The following CTPS2 variants were observed in gnomAD, a reference collection of about 807,000 sequenced individuals.
CTPS2 encodes the protein CTP synthase 2.
CTPS2 carries 19 observed loss-of-function variants against 46.8 expected under a neutral mutation model. The observed-to-expected ratio is 0.41, with a 90% CI of 0.28 to 0.60. The LOEUF (loss-of-function observed/expected upper bound fraction) is 0.60, where lower values mean the gene tolerates loss of function less well. CTPS2 is among the 20% of genes least tolerant of loss of function. The pLI, the probability that CTPS2 is intolerant of heterozygous loss-of-function variation, is 0.35. For missense variants in CTPS2, 286 were observed against 447.6 expected (o/e 0.64, Z 3.26); for synonymous variants, 151 against 165.2 (o/e 0.91, Z 0.66).
chrX:16,698,140 T>C (rs1924264617), intron 4 of CTPS2, 96 bp downstream of exon 4: 1 of 640,233 alleles, frequency 1.6e-6, no homozygotes, highest in Middle Eastern at 3.2e-4. Context: ...TGTCCAGCAC[T>C]CAGGAGGGCG....
intron 11 of CTPS2, among the ~76,000 whole-genome samples, chrX:16,668,682 A>G (rs1282265171): frequency 2.1e-5 from 2 of 96,800 alleles, no homozygotes; most frequent in Non-Finnish European, 4.2e-5. Context: ...GAAGGAAGAA[A>G]GAAGGAAGGA....
At chrX:16,680,886 T>C (rs940593711) in intron 9 of CTPS2, among the ~76,000 whole-genome samples, 2 of 109,956 alleles carry the variant, frequency 1.8e-5, no homozygotes, top group African/African-American at 6.6e-5. Context: ...ACCCCGTCTC[T>C]ATAAAAATTA....
chrX:16,703,309 G>A (rs1208621654), intron 1 of CTPS2, among the ~76,000 whole-genome samples: 4 of 108,587 alleles, frequency 3.7e-5, no homozygotes, highest in Non-Finnish European at 7.6e-5. Flanking sequence ...TAACAGGCAT[G>A]AGCCACCGCA....
At chrX:16,704,434 C>T (rs1363942763) in intron 1 of CTPS2, among the ~76,000 whole-genome samples, 1 of 112,021 alleles carries the variant, frequency 8.9e-6, no homozygotes, top group Non-Finnish European at 1.9e-5. Context: ...ATGACTTCAA[C>T]TATATGACAT....
At chrX:16,688,172 C>T (rs1050872132) in intron 8 of CTPS2, among the ~76,000 whole-genome samples, 3 of 111,492 alleles carry the variant, frequency 2.7e-5, no homozygotes, top group African/African-American at 9.8e-5. Flanking sequence ...CCTAGACAGG[C>T]GAATCGCCTG....
intron 13 of CTPS2, chrX:16,654,470 T>C: frequency 1.7e-6 from 2 of 1,199,823 alleles, no homozygotes; most frequent in Non-Finnish European, 2.3e-6. Flanking sequence ...AAGTTAGTTT[T>C]GAAGAATTCC....
intron 14 of CTPS2, among the ~76,000 whole-genome samples, chrX:16,632,911 G>A (rs1931553662): frequency 1.8e-5 from 2 of 110,752 alleles, no homozygotes; most frequent in South Asian, 3.8e-4. Flanking sequence ...TAGATCAAAC[G>A]GCTTCTGAAA....
At chrX:16,647,769 A>G (rs1202452451) in intron 13 of CTPS2, among the ~76,000 whole-genome samples, 3 of 111,463 alleles carry the variant, frequency 2.7e-5, no homozygotes, top group Non-Finnish European at 3.8e-5. Context: ...ACATATAGTT[A>G]TTAAAATCAT....
At chrX:16,654,383 C>T in intron 13 of CTPS2, 1 of 1,043,477 alleles carries the variant, frequency 9.6e-7, no homozygotes. Context: ...TCCCTTCTCC[C>T]ATCCTTTTTT....
chrX:16,693,159 T>C lies in CTPS2; in HGVS notation c.621A>G (p.Leu207=). 2 of 1,207,142 alleles carry C rather than the reference T, an allele frequency of 1.7e-6. No homozygotes were observed. Among genetic ancestry groups the C allele is most frequent in the South Asian group, 3.5e-5 (2 of 56,845 alleles). Residue 207 remains leucine, a synonymous_variant, in exon 6 of 19, where the codon TTA becomes TTG. Transcript: ENST00000359276. ...TQNSVRALRG[L]GLSPDLIVCR... ...AACTCACCAGATCTGGAGACAGGCC[T>C]AAACCCCTCAGTGCGCGGACGCTGT...
intron 14 of CTPS2, chrX:16,638,574 T>C (rs188521289): frequency 2.0e-5 from 3 of 153,704 alleles, no homozygotes; most frequent in Admixed American, 1.6e-4. Context: ...TGCTAATTTA[T>C]GAAAAAGTTC....
intron 14 of CTPS2, among the ~76,000 whole-genome samples, chrX:16,637,821 CTG>C (rs1220996874): frequency 2.7e-5 from 3 of 112,292 alleles, no homozygotes; most frequent in South Asian, 7.3e-4. Context: ...AAGGAGGAAA[CTG>C]TATTCACTTT....
At chrX:16,701,757 C>T (rs980639340) in intron 2 of CTPS2, among the ~76,000 whole-genome samples, 8 of 109,780 alleles carry the variant, frequency 7.3e-5, no homozygotes, top group East Asian at 2.9e-4. Flanking sequence ...CTCGCCACCG[C>T]GCCCGGCTAA....
intron 14 of CTPS2, 130 bp from the exon 15 acceptor site, chrX:16,620,462 C>T (rs1930765454): frequency 2.3e-6 from 1 of 426,880 alleles, no homozygotes; most frequent in Non-Finnish European, 4.0e-6. Flanking sequence ...CTAATAGACT[C>T]CATATAGTCA....
intron 10 of CTPS2, 34 bp from the exon 11 acceptor site, chrX:16,670,708 T>G: frequency 9.6e-7 from 1 of 1,036,290 alleles, no homozygotes; most frequent in Non-Finnish European, 1.3e-6. Flanking sequence ...TAAACTTGAC[T>G]ATCCATTTTT....
chrX:16,630,426 G>T (rs1931403360), intron 14 of CTPS2, among the ~76,000 whole-genome samples: 1 of 109,069 alleles, frequency 9.2e-6, no homozygotes, highest in Non-Finnish European at 1.9e-5. Flanking sequence ...GGCTAATTTT[G>T]TATTTTTAGT....
rs144029908 is a variant in CTPS2 at position 16,629,408 on chromosome X, G to A, written c.1394-9076C>T. On this transcript the variant is annotated intron_variant, in intron 14 of 18. Coordinates refer to ENST00000359276, the MANE Select transcript of CTPS2 (RefSeq NM_175859.3). Reference sequence around the variant, plus strand: ...TATGCAGCTCTCACGAAGCCCTGCCGTGCTCCTCTGGAATTTGTGTCTCAG... The same window carrying A: ...TATGCAGCTCTCACGAAGCCCTGCCATGCTCCTCTGGAATTTGTGTCTCAG... Among the ~76,000 whole-genome samples, 395 of 111,814 alleles carry A rather than the reference G, an allele frequency of 3.5e-3. 1 individual carries two copies. The highest frequency in any genetic ancestry group is 0.012 in the African/African-American group (361 of 30,800).
At chrX:16,711,750 T>C (rs2054799428) in intron 1 of CTPS2, 1 of 111,651 alleles carries the variant, frequency 9.0e-6, no homozygotes, top group Non-Finnish European at 1.9e-5. Context: ...ATATAAACCA[T>C]ACATACAATT....
chrX:16,656,336 G>A (rs767875184), intron 13 of CTPS2, among the ~76,000 whole-genome samples: 5 of 110,787 alleles, frequency 4.5e-5, no homozygotes, highest in South Asian at 3.8e-4. Context: ...TTTTTACCTC[G>A]CGCTCTAGAG....
Sources: gnomAD v4.1 joint callset for allele counts (sites outside exome capture counted in the v4.1 genomes callset) on GRCh38, gnomAD v4.1.1 for gene constraint, MANE v1.5 for transcripts, NCBI Gene and HGNC (gene_info 2026-07-23, HGNC 2026-07-21) for gene names.